Variants in GPC6 observed in about 807,000 individuals in gnomAD.
GPC6 encodes glypican 6, also known as glypican-6.
A neutral mutation model predicts 55.2 loss-of-function variants in GPC6; 14 were observed. The observed-to-expected ratio is 0.25, with a 90% CI of 0.17 to 0.40. The LOEUF (loss-of-function observed/expected upper bound fraction) is 0.40. Ranked by LOEUF, GPC6 falls within the 10% of genes least tolerant of loss-of-function variation. GPC6 has a pLI of 1.00. For synonymous variants in GPC6, 278 were observed against 259.6 expected (o/e 1.07, Z -0.68); for missense variants, 641 against 708.5 (o/e 0.90, Z 1.08).
intron 3 of GPC6, among the ~76,000 whole-genome samples, chr13:93,923,375 G>A (rs1877675949): frequency 6.6e-6 from 1 of 152,080 alleles, no homozygotes; most frequent in Non-Finnish European, 1.5e-5. Flanking sequence ...AGTGACAGAT[G>A]ATTCGGTGAC....
intron 3 of GPC6, among the ~76,000 whole-genome samples, chr13:93,926,618 A>G (rs895021552): frequency 6.6e-6 from 1 of 152,220 alleles, no homozygotes; most frequent in Non-Finnish European, 1.5e-5. Flanking sequence ...GCTGAAAACA[A>G]AGTAGTCTGG....
chr13:94,364,293 A>G (rs1315166128), intron 6 of GPC6, among the ~76,000 whole-genome samples: 2 of 152,206 alleles, frequency 1.3e-5, no homozygotes, highest in Non-Finnish European at 2.9e-5. Flanking sequence ...AGTCAAGCAA[A>G]ATTATGTCAC....
At chr13:93,514,109 G>A (rs1041303699) in intron 1 of GPC6, among the ~76,000 whole-genome samples, 8 of 151,938 alleles carry the variant, frequency 5.3e-5, no homozygotes, top group African/African-American at 7.2e-5. Flanking sequence ...CCTGACCTCA[G>A]TGATCCACCC....
intron 3 of GPC6, among the ~76,000 whole-genome samples, chr13:93,952,863 T>TAC (rs1336086217): frequency 8.2e-5 from 9 of 109,110 alleles, no homozygotes; most frequent in Non-Finnish European, 8.4e-5. Flanking sequence ...CGTATATATA[T>TAC]GTATATATAT....
At chr13:93,251,593 G>A (rs1876788958) in intron 1 of GPC6, among the ~76,000 whole-genome samples, 1 of 152,130 alleles carries the variant, frequency 6.6e-6, no homozygotes, top group South Asian at 2.1e-4. Context: ...CTTGTCTCAT[G>A]CTTGCAAATT....
At chr13:93,879,791 G>A (rs1302983863) in intron 3 of GPC6, among the ~76,000 whole-genome samples, 5 of 152,000 alleles carry the variant, frequency 3.3e-5, no homozygotes, top group Non-Finnish European at 1.5e-5. Context: ...TACAAAATGG[G>A]AGAAAATTTT....
At chr13:93,563,284 G>A (rs1314787322) in intron 2 of GPC6, among the ~76,000 whole-genome samples, 2 of 152,158 alleles carry the variant, frequency 1.3e-5, no homozygotes, top group East Asian at 1.9e-4. Context: ...GTAAATCATG[G>A]TGGGAGGGAT....
chr13:93,739,787 G>A (rs1228727275), intron 2 of GPC6, among the ~76,000 whole-genome samples: 1 of 152,150 alleles, frequency 6.6e-6, no homozygotes, highest in Non-Finnish European at 1.5e-5. Context: ...TCTAACACTA[G>A]CGTAGGGATT....
At chr13:93,559,134 A>T (rs1458228983) in intron 2 of GPC6, among the ~76,000 whole-genome samples, 1 of 152,136 alleles carries the variant, frequency 6.6e-6, no homozygotes, top group African/African-American at 2.4e-5. Context: ...TATCACAAAA[A>T]TGGGTAGGTG....
intron 1 of GPC6, among the ~76,000 whole-genome samples, chr13:93,413,663 A>G (rs1876593834): frequency 6.6e-6 from 1 of 151,624 alleles, no homozygotes; most frequent in South Asian, 2.1e-4. Context: ...AAATGCTATG[A>G]TCCTGATAGT....
chr13:93,781,971 T>A (rs927267707), intron 2 of GPC6, among the ~76,000 whole-genome samples: 2 of 152,194 alleles, frequency 1.3e-5, no homozygotes, highest in Admixed American at 1.3e-4. Context: ...CTACTTTTTT[T>A]AGCTATTTTC....
intron 2 of GPC6, among the ~76,000 whole-genome samples, chr13:93,552,480 GTC>G (rs61674043): frequency 1.0e-3 from 148 of 146,014 alleles, no homozygotes; most frequent in Non-Finnish European, 1.1e-3. Context: ...CTGTCTCTCT[GTC>G]TCTCTCTCTC....
intron 7 of GPC6, among the ~76,000 whole-genome samples, chr13:94,384,559 A>T (rs1880317796): frequency 6.6e-6 from 1 of 152,184 alleles, no homozygotes; most frequent in Admixed American, 6.5e-5. Flanking sequence ...TTTTTTAAAA[A>T]AAGGCCATGG....
intron 4 of GPC6, among the ~76,000 whole-genome samples, chr13:94,070,078 A>G (rs1387537071): frequency 6.6e-6 from 1 of 152,188 alleles, no homozygotes; most frequent in African/African-American, 2.4e-5. Context: ...AAAGAAAGAG[A>G]TTTAATGCAC....
Position 93,792,553 on chromosome 13 carries a change from C to T in GPC6, c.320-37601C>T, listed in dbSNP as rs540333517. On this transcript the variant is annotated intron_variant, in intron 2 of 8. Transcript: ENST00000377047. ...CTTGAACTCCTGGCCTCAAGTGATC[C>T]ACACACCTCAGCCTCCCAAAGTGCT... Among the ~76,000 whole-genome samples, 7 of 152,174 alleles carry T rather than the reference C, an allele frequency of 4.6e-5. No individual in the cohort carries two copies. In the South Asian group the frequency reaches 1.5e-3, roughly 32 times the overall value.
chr13:93,557,750 C>A (rs536352757), intron 2 of GPC6, among the ~76,000 whole-genome samples: 235 of 152,236 alleles, frequency 1.5e-3, no homozygotes, highest in Middle Eastern at 3.4e-3. Context: ...AACTCCAAAA[C>A]GTATTCTGAA....
In GPC6 at chr13:93,602,881, AAATATACCT is replaced by A. The variant is rs1878076839; in HGVS notation, c.319+57463_319+57471del. On this transcript the variant is annotated intron_variant, in intron 2 of 8. Transcript: ENST00000377047. ...TAGTAGATCTGATACTAAAATTTAGAAATATACCTAACACCAGCTAAGTCCATGCAAACA... is the reference window on the plus strand; with the variant it reads ...TAGTAGATCTGATACTAAAATTTAGAAACACCAGCTAAGTCCATGCAAACA... 3.9e-5 allele frequency among the ~76,000 whole-genome samples: 6 copies of A among 152,346 alleles called. No individual in the cohort carries two copies. In the South Asian group the frequency reaches 1.0e-3, roughly 26 times the overall value.
intron 3 of GPC6, among the ~76,000 whole-genome samples, chr13:93,966,651 A>AT (rs59591951): frequency 0.18 from 21,087 of 117,928 alleles, 2,601 homozygotes; most frequent in South Asian, 0.28. Context: ...TGTTTCCTTC[A>AT]TTTTTTTTTT....
chr13:93,689,387 T>G (rs1236818959), intron 2 of GPC6, among the ~76,000 whole-genome samples: 1 of 152,080 alleles, frequency 6.6e-6, no homozygotes, highest in Non-Finnish European at 1.5e-5. Context: ...GATTATCTTT[T>G]AAATAAATGT....
Sources: allele counts gnomAD v4.1 joint callset (sites outside exome capture counted in the v4.1 genomes callset), GRCh38; gene constraint gnomAD v4.1.1; transcripts MANE v1.5; gene names NCBI Gene and HGNC (gene_info 2026-07-23, HGNC 2026-07-21).